The following GRM5 variants were observed in gnomAD, a reference collection of about 807,000 sequenced individuals.
The protein encoded by GRM5 is glutamate metabotropic receptor 5.
Under a neutral mutation model 83.1 loss-of-function variants are expected in GRM5, and 19 were observed. The ratio of observed to expected loss-of-function variants is 0.23; its 90% confidence interval spans 0.16 to 0.34. GRM5 has a LOEUF of 0.34. Among genes scored for constraint, GRM5 ranks in the 10% least tolerant of loss-of-function variants. The probability of loss-of-function intolerance (pLI) is 1.00; values close to 1 mark genes in which losing one functional copy is unlikely to be tolerated. For synonymous variants in GRM5, 675 were observed against 633.6 expected (o/e 1.07, Z -0.98); for missense variants, 1,160 against 1,588.3 (o/e 0.73, Z 4.58).
chr11:88,762,424 GA>G (rs139628990), intron 3 of GRM5, among the ~76,000 whole-genome samples: 1,821 of 152,070 alleles, frequency 0.012, 35 homozygotes, highest in African/African-American at 0.041. Flanking sequence ...ACAAGCATAA[GA>G]AAAAACATTC....
chr11:88,525,469 T>C (rs1272587855), intron 8 of GRM5, 65 bp from the exon 9 acceptor site: 3 of 1,008,098 alleles, frequency 3.0e-6, no homozygotes, highest in Non-Finnish European at 3.1e-6. Context: ...ACTGCCAGGC[T>C]GAGGAACGGC....
chr11:88,868,683 C>T (rs1263191903), intron 2 of GRM5, among the ~76,000 whole-genome samples: 1 of 151,730 alleles, frequency 6.6e-6, no homozygotes, highest in Non-Finnish European at 1.5e-5. Context: ...AGCATTCTTT[C>T]TAGAAATTTA....
intron 3 of GRM5, among the ~76,000 whole-genome samples, chr11:88,671,582 G>A (rs1228693334): frequency 6.6e-6 from 1 of 151,894 alleles, no homozygotes; most frequent in South Asian, 2.1e-4. Context: ...TACAGTAGTA[G>A]ACAGCAATGA....
intron 6 of GRM5, among the ~76,000 whole-genome samples, chr11:88,592,084 A>T (rs1282839201): frequency 1.3e-5 from 2 of 152,200 alleles, no homozygotes; most frequent in African/African-American, 4.8e-5. Context: ...TTACTGGAAG[A>T]TAGACTGCGT....
At chr11:88,526,943 A>G (rs192662754) in intron 8 of GRM5, among the ~76,000 whole-genome samples, 11 of 152,302 alleles carry the variant, frequency 7.2e-5, no homozygotes, top group Admixed American at 6.5e-4. Context: ...AGAAGGAAGG[A>G]AATAAGAAAT....
In GRM5 at chr11:88,875,527, C is replaced by A. The variant is rs190408821; in HGVS notation, c.662-25372G>T. ...GATATTCTGACCCACTCCCATGAAT[C>A]ACTAATGTTATTAATGGTAATTAAA... On this transcript the variant is annotated intron_variant, in intron 2 of 9. Transcript: ENST00000305447. Among the ~76,000 whole-genome samples the A allele has an allele frequency of 2.2e-3, 338 of 152,124 alleles. 2 individuals are homozygous for A. Among genetic ancestry groups the A allele is most frequent in the African/African-American group, 7.9e-3 (326 of 41,526 alleles).
intron 2 of GRM5, among the ~76,000 whole-genome samples, chr11:88,997,331 A>AT (rs1480036534): frequency 8.1e-4 from 88 of 108,850 alleles, no homozygotes; most frequent in African/African-American, 3.6e-3. Context: ...CTGTCTCAAA[A>AT]TTAAAAAAAA....
intron 3 of GRM5, among the ~76,000 whole-genome samples, chr11:88,783,576 T>A (rs1429395491): frequency 6.6e-6 from 1 of 152,100 alleles, no homozygotes; most frequent in Non-Finnish European, 1.5e-5. Context: ...TTAGGTCTAT[T>A]AAACAATAAC....
At chr11:88,610,171 C>T (rs533687398) in intron 4 of GRM5, among the ~76,000 whole-genome samples, 1 of 152,200 alleles carries the variant, frequency 6.6e-6, no homozygotes, top group East Asian at 1.9e-4. Flanking sequence ...TAGTGTGATG[C>T]CTCTGGCTTT....
chr11:88,603,442 G>C (rs1047060347), intron 5 of GRM5, among the ~76,000 whole-genome samples: 1 of 152,226 alleles, frequency 6.6e-6, no homozygotes, highest in Non-Finnish European at 1.5e-5. Context: ...TGAGCCTAAA[G>C]ACTGAGCTCA....
chr11:88,534,925 C>T (rs1001536708), intron 8 of GRM5, among the ~76,000 whole-genome samples: 1 of 152,128 alleles, frequency 6.6e-6, no homozygotes, highest in Admixed American at 6.5e-5. Context: ...TAAGGGGAAA[C>T]TTGTTTTGCT....
Position 88,970,942 on chromosome 11 carries a change from A to G in GRM5, c.661+76270T>C, listed in dbSNP as rs367736622. Among the ~76,000 whole-genome samples the G allele has an allele frequency of 5.7e-4, 87 of 152,142 alleles. 1 individual carries two copies. The highest frequency in any genetic ancestry group is 1.8e-3 in the African/African-American group (75 of 41,502). On this transcript the variant is annotated intron_variant, in intron 2 of 9. Coordinates refer to ENST00000305447, the MANE Select transcript of GRM5 (RefSeq NM_001143831.3). ...CCTCTTTTACCTTCTTCCTTTCCCT[A>G]CTTCTCCCCTTCCTTTGTGTGAGCT...
At chr11:88,529,193 T>C (rs1007244359) in intron 8 of GRM5, among the ~76,000 whole-genome samples, 3 of 152,056 alleles carry the variant, frequency 2.0e-5, no homozygotes, top group Admixed American at 1.3e-4. Context: ...GAATAGTCCA[T>C]GTGCTGGGCA....
Position 88,523,395 on chromosome 11 carries a change from T to G in GRM5, c.2726+1914A>C, listed in dbSNP as rs563133909. Among the ~76,000 whole-genome samples, 8 of 152,304 alleles carry G rather than the reference T, an allele frequency of 5.3e-5. No homozygotes were observed. In the South Asian group the frequency reaches 1.7e-3, roughly 32 times the overall value. On this transcript the variant is annotated intron_variant, in intron 9 of 9. Transcript: ENST00000305447. Reference sequence around the variant, plus strand: ...GAGCACTCATTTGGTGAAGTCACTTTAACCTTGTCCAGCTTACTCTGGTGC... The same window carrying G: ...GAGCACTCATTTGGTGAAGTCACTTGAACCTTGTCCAGCTTACTCTGGTGC...
chr11:89,033,462 G>A (rs916615961), intron 2 of GRM5, among the ~76,000 whole-genome samples: 14 of 151,928 alleles, frequency 9.2e-5, no homozygotes, highest in Non-Finnish European at 1.9e-4. Flanking sequence ...ATTAGAAATT[G>A]TGTACAATCT....
rs577620848 is a variant in GRM5, at chr11:88,691,736, T to A, written c.912-38333A>T. On this transcript the variant is annotated intron_variant, in intron 3 of 9. Transcript: ENST00000305447. ...TCCCACTTGTCTCTTTTCTATGACTTACACGCCCCAAAACCAGGCATTTAA... is the reference window on the plus strand; with the variant it reads ...TCCCACTTGTCTCTTTTCTATGACTAACACGCCCCAAAACCAGGCATTTAA... Among the ~76,000 whole-genome samples the A allele has an allele frequency of 9.4e-4, 143 of 152,334 alleles. 1 individual carries two copies. The East Asian group carries it at 0.023, about 24-fold the overall frequency.
chr11:88,833,850 G>A (rs1429623643), intron 3 of GRM5, among the ~76,000 whole-genome samples: 1 of 152,124 alleles, frequency 6.6e-6, no homozygotes, highest in Non-Finnish European at 1.5e-5. Context: ...ATTATGTTAA[G>A]TTAAATAAGC....
At chr11:88,963,921 G>A (rs985481754) in intron 2 of GRM5, among the ~76,000 whole-genome samples, 13 of 152,184 alleles carry the variant, frequency 8.5e-5, no homozygotes, top group Middle Eastern at 3.4e-3. Context: ...ATGCTCAAGA[G>A]GAAAGGTTTA....
At chr11:88,560,875 T>C (rs1942739357) in intron 8 of GRM5, among the ~76,000 whole-genome samples, 1 of 152,142 alleles carries the variant, frequency 6.6e-6, no homozygotes, top group African/African-American at 2.4e-5. Flanking sequence ...TGTCTGTGAA[T>C]AAATAACAAG....
Sources: allele counts gnomAD v4.1 joint callset (sites outside exome capture counted in the v4.1 genomes callset), GRCh38; gene constraint gnomAD v4.1.1; transcripts MANE v1.5; gene names NCBI Gene and HGNC (gene_info 2026-07-23, HGNC 2026-07-21).